KHDRBS2: variants seen among roughly 807,000 people sequenced by gnomAD.
The protein encoded by KHDRBS2 is KH RNA binding domain containing, signal transduction associated 2, also known as KH domain-containing, RNA-binding, signal transduction-associated protein 2.
A neutral mutation model predicts 44.3 loss-of-function variants in KHDRBS2; 26 were observed. The ratio of observed to expected loss-of-function variants is 0.59; its 90% CI spans 0.43 to 0.81. The LOEUF is 0.81. Among genes scored for constraint, KHDRBS2 ranks in the 40% least tolerant of loss-of-function variants. The pLI is 0.00. For missense variants in KHDRBS2, 476 were observed against 433.1 expected (o/e 1.10, Z -0.88); for synonymous variants, 194 against 151.1 (o/e 1.28, Z -2.08).
intron 7 of KHDRBS2, among the ~76,000 whole-genome samples, chr6:61,706,406 G>A (rs776359796): frequency 3.3e-5 from 5 of 151,750 alleles, no homozygotes; most frequent in Non-Finnish European, 7.4e-5. Flanking sequence ...AAGTAGACTT[G>A]GCTATTAGAC....
At chr6:62,119,792 G>A (rs1463867973) in intron 2 of KHDRBS2, among the ~76,000 whole-genome samples, 1 of 152,140 alleles carries the variant, frequency 6.6e-6, no homozygotes, top group Non-Finnish European at 1.5e-5. Context: ...CACTGCCTGA[G>A]GCAACAGTGA....
At chr6:61,633,440 G>A in the KHDRBS2 span, among the ~76,000 whole-genome samples, 2 of 151,866 alleles carry the variant, frequency 1.3e-5, no homozygotes, top group African/African-American at 2.4e-5. Flanking sequence ...CACTTTTATA[G>A]GTAATTTCTA....
chr6:61,983,262 T>C (rs1246245287), intron 3 of KHDRBS2, among the ~76,000 whole-genome samples: 2 of 140,778 alleles, frequency 1.4e-5, no homozygotes, highest in Non-Finnish European at 3.0e-5. Context: ...TTTTTTATAG[T>C]GACTAAGTCT....
intron 4 of KHDRBS2, among the ~76,000 whole-genome samples, chr6:61,920,440 T>A (rs1261728712): frequency 2.0e-5 from 3 of 151,942 alleles, no homozygotes; most frequent in Admixed American, 6.6e-5. Context: ...GATTACAGAA[T>A]TGCCTACTCT....
chr6:61,940,081 A>T (rs796174353), intron 4 of KHDRBS2, among the ~76,000 whole-genome samples: 8 of 152,250 alleles, frequency 5.3e-5, no homozygotes, highest in African/African-American at 1.9e-4. Context: ...ATTCAAATGT[A>T]TAAGCTTTTA....
the KHDRBS2 span, among the ~76,000 whole-genome samples, chr6:61,563,460 T>C: frequency 1.3e-4 from 20 of 152,152 alleles, no homozygotes; most frequent in South Asian, 6.2e-4. Context: ...CAGAGATTTC[T>C]GTTTTAAGAG....
chr6:61,990,218 A>G (rs1775869010), intron 3 of KHDRBS2, among the ~76,000 whole-genome samples: 1 of 152,224 alleles, frequency 6.6e-6, no homozygotes, highest in Non-Finnish European at 1.5e-5. Flanking sequence ...TAAGAAGAAG[A>G]TAGCTGAAAT....
intron 7 of KHDRBS2, among the ~76,000 whole-genome samples, chr6:61,701,506 CA>C (rs1768658703): frequency 6.6e-6 from 1 of 151,776 alleles, no homozygotes; most frequent in African/African-American, 2.4e-5. Context: ...AAACATACAC[CA>C]GAAGAAAGCA....
chr6:61,787,894 T>C (rs1236485288), intron 6 of KHDRBS2, among the ~76,000 whole-genome samples: 1 of 151,448 alleles, frequency 6.6e-6, no homozygotes, highest in Admixed American at 6.6e-5. Flanking sequence ...AATAAGTCTG[T>C]TCCCTAAAAC....
At chr6:62,244,364 CT>C (rs1371936619) in intron 1 of KHDRBS2, among the ~76,000 whole-genome samples, 1 of 151,948 alleles carries the variant, frequency 6.6e-6, no homozygotes, top group Non-Finnish European at 1.5e-5. Flanking sequence ...AATGATTATT[CT>C]TTTTAAAAAG....
At chr6:61,585,842 G>A in the KHDRBS2 span, among the ~76,000 whole-genome samples, 8 of 152,212 alleles carry the variant, frequency 5.3e-5, no homozygotes, top group South Asian at 1.7e-3. Context: ...TCTGATTTCA[G>A]TGGTTCACTG....
intron 1 of KHDRBS2, among the ~76,000 whole-genome samples, chr6:62,220,699 A>G (rs1483572818): frequency 6.6e-6 from 1 of 151,974 alleles, no homozygotes; most frequent in East Asian, 1.9e-4. Context: ...ATAAGAACAT[A>G]GAGATTTATA....
the KHDRBS2 span, among the ~76,000 whole-genome samples, chr6:61,580,595 G>T: frequency 6.6e-6 from 1 of 152,098 alleles, no homozygotes; most frequent in Admixed American, 6.6e-5. Context: ...AGAGTCTGTG[G>T]CTTCATTCCT....
chr6:61,652,053 A>G, the KHDRBS2 span, among the ~76,000 whole-genome samples: 5,069 of 152,172 alleles, frequency 0.033, 276 homozygotes, highest in African/African-American at 0.12. Flanking sequence ...AGGATAAGAC[A>G]TGTTATAAAC....
chr6:61,708,955 G>T (rs1275343827), intron 7 of KHDRBS2, among the ~76,000 whole-genome samples: 2 of 151,574 alleles, frequency 1.3e-5, no homozygotes, highest in Non-Finnish European at 3.0e-5. Flanking sequence ...AATTAAAATT[G>T]AGAATTGCTG....
At chr6:61,782,172 C>T (rs1174719953) in intron 6 of KHDRBS2, among the ~76,000 whole-genome samples, 3 of 151,972 alleles carry the variant, frequency 2.0e-5, no homozygotes, top group African/African-American at 7.2e-5. Context: ...ATCTGAATTT[C>T]CTTTATTTGT....
chr6:61,957,667 A>G (rs979272155), intron 4 of KHDRBS2, among the ~76,000 whole-genome samples: 3 of 152,164 alleles, frequency 2.0e-5, no homozygotes, highest in East Asian at 1.9e-4. Flanking sequence ...GATGTTATCA[A>G]TGACAATGTG....
At chr6:61,651,076 G>T in the KHDRBS2 span, among the ~76,000 whole-genome samples, 351 of 152,120 alleles carry the variant, frequency 2.3e-3, 2 homozygotes, top group African/African-American at 8.2e-3. Flanking sequence ...GATGGTGACA[G>T]AAATAATAAT....
chr6:62,229,649 T>C (rs891372000), intron 1 of KHDRBS2, among the ~76,000 whole-genome samples: 1 of 152,174 alleles, frequency 6.6e-6, no homozygotes, highest in East Asian at 1.9e-4. Flanking sequence ...ACAAGTGGGA[T>C]CTTCCAATTC....
Sources: gnomAD v4.1 joint callset for allele counts (sites outside exome capture counted in the v4.1 genomes callset) on GRCh38, gnomAD v4.1.1 for gene constraint, MANE v1.5 for transcripts, NCBI Gene and HGNC (gene_info 2026-07-23, HGNC 2026-07-21) for gene names.